The following PTPRM variants were observed in gnomAD, a reference collection of about 807,000 sequenced individuals.
PTPRM encodes the protein receptor-type tyrosine-protein phosphatase mu.
A neutral mutation model predicts 186.7 loss-of-function variants in PTPRM; 47 were observed. The observed-to-expected ratio is 0.25, with a 90% CI of 0.20 to 0.32. The LOEUF is 0.32. PTPRM is among the 10% of genes least tolerant of loss of function. PTPRM has a pLI of 1.00. For missense variants in PTPRM, 1,494 were observed against 1,865.0 expected (o/e 0.80, Z 3.66); for synonymous variants, 668 against 674.9 (o/e 0.99, Z 0.16).
chr18:8,175,923 C>T (rs892534042), intron 14 of PTPRM, among the ~76,000 whole-genome samples: 1 of 152,200 alleles, frequency 6.6e-6, no homozygotes. Context: ...TGTTTTCTGA[C>T]TTGCTTCTCA....
intron 20 of PTPRM, among the ~76,000 whole-genome samples, chr18:8,299,113 T>TA (rs1412726014): frequency 6.6e-6 from 1 of 152,140 alleles, no homozygotes; most frequent in African/African-American, 2.4e-5. Flanking sequence ...TTTTCTCCTT[T>TA]AAACCTCCAG....
intron 1 of PTPRM, among the ~76,000 whole-genome samples, chr18:7,676,341 CA>C (rs2039335144): frequency 1.3e-5 from 2 of 152,168 alleles, no homozygotes; most frequent in Non-Finnish European, 1.5e-5. Flanking sequence ...GGCTGGCGAT[CA>C]GCTATAATTG....
At chr18:8,143,416 C>A (rs976418484) in intron 13 of PTPRM, among the ~76,000 whole-genome samples, 2 of 152,046 alleles carry the variant, frequency 1.3e-5, no homozygotes, top group Non-Finnish European at 2.9e-5. Context: ...AAGGGTCAGG[C>A]ATGGGTGTGC....
chr18:8,288,661 C>G (rs1421180411), intron 19 of PTPRM, among the ~76,000 whole-genome samples: 3 of 152,330 alleles, frequency 2.0e-5, no homozygotes, highest in African/African-American at 7.2e-5. Context: ...CCCCTTGTCA[C>G]TCACTTGAAG....
At chr18:7,586,328 A>G (rs2036979229) in intron 1 of PTPRM, among the ~76,000 whole-genome samples, 1 of 152,146 alleles carries the variant, frequency 6.6e-6, no homozygotes, top group African/African-American at 2.4e-5. Flanking sequence ...CAGGTATTGT[A>G]AGTGCACTGG....
chr18:8,343,388 C>T (rs779342668), intron 22 of PTPRM, 35 bp from the exon 23 acceptor site: 2 of 1,597,096 alleles, frequency 1.3e-6, no homozygotes, highest in Admixed American at 1.7e-5. Flanking sequence ...AAACTTACAA[C>T]AAAAACAAAA....
chr18:7,660,997 A>C (rs914189387), intron 1 of PTPRM, among the ~76,000 whole-genome samples: 6 of 152,072 alleles, frequency 3.9e-5, no homozygotes, highest in African/African-American at 9.7e-5. Context: ...AAAAGCAAAG[A>C]AAAGAAAGAA....
At chr18:7,806,992 G>C (rs2044269584) in intron 2 of PTPRM, among the ~76,000 whole-genome samples, 1 of 152,172 alleles carries the variant, frequency 6.6e-6, no homozygotes, top group Non-Finnish European at 1.5e-5. Context: ...TCCCTTTGGG[G>C]TAGCTACAGG....
intron 1 of PTPRM, among the ~76,000 whole-genome samples, chr18:7,611,383 A>G (rs2037669770): frequency 6.6e-6 from 1 of 152,202 alleles, no homozygotes; most frequent in Non-Finnish European, 1.5e-5. Flanking sequence ...CATCCAGAGC[A>G]ACTTGCAGTC....
intron 1 of PTPRM, among the ~76,000 whole-genome samples, chr18:7,632,900 G>A (rs757204789): frequency 2.0e-5 from 3 of 152,178 alleles, no homozygotes; most frequent in Non-Finnish European, 4.4e-5. Flanking sequence ...TCAGCAATTA[G>A]CAGTAACAGT....
At chr18:7,851,263 A>G (rs1166998044) in intron 2 of PTPRM, among the ~76,000 whole-genome samples, 1 of 152,242 alleles carries the variant, frequency 6.6e-6, no homozygotes, top group African/African-American at 2.4e-5. Flanking sequence ...TCTTCAGGAA[A>G]GTCAAAAGGC....
intron 19 of PTPRM, among the ~76,000 whole-genome samples, chr18:8,274,443 T>G (rs2094809915): frequency 6.6e-6 from 1 of 152,234 alleles, no homozygotes; most frequent in Non-Finnish European, 1.5e-5. Context: ...TTCTTCATAA[T>G]TGCTTTTCCA....
At position 8,129,938 on chromosome 18, in the gene PTPRM, G is replaced by A. The variant is rs556745959; in HGVS notation, c.2168-13709G>A. On this transcript the variant is annotated intron_variant, in intron 13 of 32. Transcript: ENST00000580170. Reference sequence around the variant, plus strand: ...AAGAGAAAAAGCACAGTCCTTAGAGGAGATGCACCTCATTTGCCCTTTCAG... The same window carrying A: ...AAGAGAAAAAGCACAGTCCTTAGAGAAGATGCACCTCATTTGCCCTTTCAG... Among the ~76,000 whole-genome samples, 8 of 152,314 alleles carry A rather than the reference G, an allele frequency of 5.3e-5. No homozygotes were observed. The South Asian group carries it at 1.7e-3, about 32-fold the overall frequency.
chr18:7,818,654 A>G (rs1241319949), intron 2 of PTPRM, among the ~76,000 whole-genome samples: 6 of 152,218 alleles, frequency 3.9e-5, no homozygotes, highest in Non-Finnish European at 1.5e-5. Flanking sequence ...CTCCCCCAAA[A>G]TGGAAGTAAC....
chr18:7,714,094 A>G (rs1476004827), intron 1 of PTPRM, among the ~76,000 whole-genome samples: 1 of 152,138 alleles, frequency 6.6e-6, no homozygotes, highest in African/African-American at 2.4e-5. Context: ...CGTTGCACTT[A>G]CTCTAAAATT....
chr18:8,374,828 TC>T (rs1427281571), intron 24 of PTPRM, among the ~76,000 whole-genome samples: 3 of 152,262 alleles, frequency 2.0e-5, no homozygotes, highest in Non-Finnish European at 4.4e-5. Flanking sequence ...TGTTTGCTTT[TC>T]TGGTCTTTCA....
chr18:8,124,001 T>A, intron 13 of PTPRM, among the ~76,000 whole-genome samples: 1 of 152,176 alleles, frequency 6.6e-6, no homozygotes, highest in Non-Finnish European at 1.5e-5. Flanking sequence ...CTGAATATAG[T>A]TTTCACTCTA....
intron 18 of PTPRM, 95 bp from the exon 19 acceptor site, chr18:8,253,132 G>A (rs891368394): frequency 2.8e-6 from 3 of 1,058,574 alleles, no homozygotes; most frequent in African/African-American, 3.3e-5. Flanking sequence ...ACCCCTAGGT[G>A]AGGGGATGCC....
rs551814185 is a variant in PTPRM, at chr18:8,239,096, T to G, written c.2301-4962T>G. On this transcript the variant is annotated intron_variant, in intron 14 of 32. Coordinates refer to ENST00000580170, the MANE Select transcript of PTPRM (RefSeq NM_001105244.2). ...TGCCATGCTGGTGTGCTGCACCCAT[T>G]AACTCGTCATTTAGCATTAGGTATA... is the stretch of plus-strand genomic sequence containing the variant. Among the ~76,000 whole-genome samples the G allele has an allele frequency of 2.4e-3, 362 of 149,750 alleles. 1 individual carries two copies. The highest frequency in any genetic ancestry group is 8.4e-3 in the African/African-American group (342 of 40,632).
Sources: gnomAD v4.1 joint callset for allele counts (sites outside exome capture counted in the v4.1 genomes callset) on GRCh38, gnomAD v4.1.1 for gene constraint, MANE v1.5 for transcripts, NCBI Gene and HGNC (gene_info 2026-07-23, HGNC 2026-07-21) for gene names.